CCDC88C: variants seen among roughly 807,000 people sequenced by gnomAD.
CCDC88C encodes coiled-coil and HOOK domain protein 88C.
Under a neutral mutation model 198.8 loss-of-function variants are expected in CCDC88C, and 131 were observed. The ratio of observed to expected loss-of-function variants is 0.66; its 90% CI spans 0.57 to 0.76. CCDC88C has a LOEUF of 0.76. Ranked by LOEUF, CCDC88C falls within the 30% of genes least tolerant of loss-of-function variation. The probability of loss-of-function intolerance (pLI) is 0.00; values close to 1 mark genes in which losing one functional copy is unlikely to be tolerated. For synonymous variants in CCDC88C, 1,166 were observed against 1,114.7 expected, an observed-to-expected ratio of 1.05 and a Z score of -0.92; for missense variants, 2,553 against 2,631.6, an observed-to-expected ratio of 0.97 and a Z score of 0.65.
Position 91,313,325 on chromosome 14 carries a change from C to G in CCDC88C, c.2491G>C (p.Glu831Gln). 6.2e-7 allele frequency: 1 copy of G among 1,613,480 alleles called. No homozygotes were observed. Among genetic ancestry groups the G allele is most frequent in the Non-Finnish European group, 8.5e-7 (1 of 1,179,898 alleles). The stretch of plus-strand genomic sequence containing the variant: ...TTCTCCAGCAGCTTCTTATCCTTCT[C>G]GAGCTGGGCCACCTCCTGCTCCAGG... ...KALEQEVAQL[E>Q]KDKKLLEKEA... is the part of the protein sequence containing the mutation. The change falls in exon 15 of 30, where the codon GAG becomes CAG. Residue 831 changes from glutamate to glutamine, a missense_variant. Around this residue, in one of 2 missense-constraint regions of CCDC88C, gnomAD observed 1,260 missense variants for 1,412.0 expected, o/e 0.89. Coordinates refer to ENST00000389857, the MANE Select transcript of CCDC88C (RefSeq NM_001080414.4). This position sits in a 1 kb window ranked among gnomAD's most constrained non-coding sequence, Gnocchi z 5.2.
chr14:91,364,050 T>G (rs1353496496), intron 3 of CCDC88C, among the ~76,000 whole-genome samples: 1 of 152,252 alleles, frequency 6.6e-6, no homozygotes, highest in Non-Finnish European at 1.5e-5. Context: ...GGCCCCCACA[T>G]TTGCCAGTGA....
At chr14:91,384,273 CTTT>C (rs3029466) in intron 3 of CCDC88C, 28,755 of 293,820 alleles carry the variant, frequency 0.098, 398 homozygotes, top group Middle Eastern at 0.14. Context: ...CCCCATCTCT[CTTT>C]TTTTTTTTTT....
chr14:91,345,170 A>T (rs1893482642), intron 4 of CCDC88C, among the ~76,000 whole-genome samples: 1 of 85,034 alleles, frequency 1.2e-5, no homozygotes, highest in African/African-American at 4.8e-5. Flanking sequence ...TTCAATTTAT[A>T]TATATATATA....
chr14:91,308,204 G>A, intron 17 of CCDC88C, 147 bp downstream of exon 17: 2 of 891,700 alleles, frequency 2.2e-6, no homozygotes, highest in Non-Finnish European at 3.4e-6. Flanking sequence ...GATTCTGAGG[G>A]TGGCTCCCTC....
At chr14:91,289,038 C>T (rs1350500396) in intron 25 of CCDC88C, 67 bp downstream of exon 25, 19 of 1,333,072 alleles carry the variant, frequency 1.4e-5, no homozygotes, top group Non-Finnish European at 1.9e-5. Flanking sequence ...TGTGCACAGC[C>T]ACCGGTGCGG....
chr14:91,279,603 C>A (rs1890115467), intron 27 of CCDC88C: 1 of 267,790 alleles, frequency 3.7e-6, no homozygotes. Flanking sequence ...ACACAGAACG[C>A]CAGTATAGAG....
rs546540696 is a variant in CCDC88C, at chr14:91,350,459, G to C, written c.341-6802C>G. Reference sequence around the variant, plus strand: ...TTACAGGTGTGAGCCACCATGCCCAGACAGAAGACACTTTCTGATTTCTGG... The same window carrying C: ...TTACAGGTGTGAGCCACCATGCCCACACAGAAGACACTTTCTGATTTCTGG... On this transcript the variant is annotated intron_variant, in intron 4 of 29. Transcript: ENST00000389857. Among the ~76,000 whole-genome samples the C allele has an allele frequency of 3.9e-5, 6 of 152,292 alleles. No homozygotes were observed. In the South Asian group the frequency reaches 1.2e-3, roughly 32 times the overall value.
intron 10 of CCDC88C, 127 bp downstream of exon 10, chr14:91,337,878 C>T (rs942634267): frequency 2.0e-5 from 23 of 1,176,410 alleles, no homozygotes; most frequent in Admixed American, 4.1e-5. Flanking sequence ...GCTGAGGTGC[C>T]GGGGAAGCAT....
chr14:91,287,373 T>C (rs1267154770), intron 25 of CCDC88C, among the ~76,000 whole-genome samples: 28 of 152,314 alleles, frequency 1.8e-4, no homozygotes, highest in Non-Finnish European at 1.5e-5. Context: ...TTGTTAGAGA[T>C]GGGGTGTCAC....
chr14:91,320,460 G>T (rs1892309634), intron 13 of CCDC88C, among the ~76,000 whole-genome samples: 1 of 152,228 alleles, frequency 6.6e-6, no homozygotes, highest in African/African-American at 2.4e-5. Flanking sequence ...CTGTGCATCT[G>T]TTCTGCCTGT....
At position 91,299,979 on chromosome 14, in the gene CCDC88C, T is replaced by C; in HGVS notation, c.3727A>G (p.Thr1243Ala). 1 of 1,596,336 alleles carries C rather than the reference T, an allele frequency of 6.3e-7. No individual in the cohort carries two copies. Among genetic ancestry groups the C allele is most frequent in the Non-Finnish European group, 8.5e-7 (1 of 1,172,314 alleles). ...EREALQQEQR[T>A]NALAMGENQR... ...TTCTCGCCCATGGCGAGGGCGTTTG[T>C]CCTCTGCTCCTGCTGCAGCGCCTCT... Residue 1243 changes from threonine (T) to alanine (A), a missense_variant, in exon 21 of 30, where the codon ACA (threonine) becomes GCA (alanine). By Grantham distance (58) the Thr-to-Ala change is moderately conservative (BLOSUM62 0). Around this residue, in one of 2 missense-constraint regions of CCDC88C, gnomAD observed 1,293 missense variants for 1,219.6 expected, o/e 1.06. Transcript: ENST00000389857.
intron 12 of CCDC88C, among the ~76,000 whole-genome samples, chr14:91,323,475 A>C (rs1459278946): frequency 6.6e-6 from 1 of 152,238 alleles, no homozygotes; most frequent in Non-Finnish European, 1.5e-5. Context: ...CAGAGAAGCC[A>C]AGGCTTTATG....
Position 91,272,830 on chromosome 14 carries a change from C to A in CCDC88C, c.5882G>T (p.Ser1961Ile). Reference protein sequence around the residue: ...ATITPVRAGLSLSEGDGVPGQ... With the variant: ...ATITPVRAGLILSEGDGVPGQ... The stretch of plus-strand genomic sequence containing the variant: ...CGGGACCCCGTCTCCCTCTGAGAGG[C>A]TGAGCCCTGCCCGGACAGGGGTGAT... Residue 1961 changes from serine to isoleucine, a missense_variant, in exon 30 of 30, where the codon AGC becomes ATC. Transcript: ENST00000389857. 1.3e-6 allele frequency: 2 copies of A among 1,594,578 alleles called. No individual in the cohort carries two copies. The highest frequency in any genetic ancestry group is 1.7e-6 in the Non-Finnish European group (2 of 1,171,114).
intron 29 of CCDC88C, among the ~76,000 whole-genome samples, chr14:91,276,143 G>T (rs1343916165): frequency 6.6e-6 from 1 of 152,140 alleles, no homozygotes; most frequent in Non-Finnish European, 1.5e-5. Flanking sequence ...TTAAACCATG[G>T]TGCCTACCCA....
At chr14:91,277,855 T>C (rs2139718422) in intron 29 of CCDC88C, 67 bp downstream of exon 29, 1 of 1,435,188 alleles carries the variant, frequency 7.0e-7, no homozygotes, top group Non-Finnish European at 9.2e-7. Context: ...TCTGCAGCTA[T>C]GATCTTGAGC....
chr14:91,373,545 T>TGCAAAC (rs1894928782), intron 3 of CCDC88C, among the ~76,000 whole-genome samples: 2 of 152,168 alleles, frequency 1.3e-5, no homozygotes, highest in Non-Finnish European at 2.9e-5. Context: ...AGAGCAGACA[T>TGCAAAC]TTCATGCAAA....
rs143299262 is a variant in CCDC88C, at chr14:91,352,274, C to G, written c.340+7368G>C. Among the ~76,000 whole-genome samples, 3 of 152,212 alleles carry G rather than the reference C, an allele frequency of 2.0e-5. No individual in the cohort carries two copies. Among genetic ancestry groups the G allele is most frequent in the Non-Finnish European group, 4.4e-5 (3 of 68,032 alleles). On this transcript the variant is annotated intron_variant, in intron 4 of 29. Transcript: ENST00000389857. This position sits in a 1 kb window ranked among gnomAD's most constrained non-coding sequence, Gnocchi z 4.2. Reference sequence around the variant, plus strand: ...GAAGTTTACTAACAAAGTCTGGTCTCCAGGCAGATCCGCGGGTGCTTGGAG... The same window carrying G: ...GAAGTTTACTAACAAAGTCTGGTCTGCAGGCAGATCCGCGGGTGCTTGGAG...
intron 22 of CCDC88C, among the ~76,000 whole-genome samples, chr14:91,296,005 C>T (rs10143269): frequency 0.56 from 84,774 of 152,054 alleles, 24,296 homozygotes; most frequent in African/African-American, 0.67. Context: ...TTGGGAGAAA[C>T]CAGCTCAGCC....
intron 27 of CCDC88C, chr14:91,279,778 G>A (rs1199803716): frequency 2.0e-5 from 3 of 152,602 alleles, no homozygotes; most frequent in African/African-American, 7.2e-5. Context: ...CACATGTAAG[G>A]GCACGCACCT....
Sources: allele counts gnomAD v4.1 joint callset (sites outside exome capture counted in the v4.1 genomes callset), GRCh38; gene constraint gnomAD v4.1.1; regional missense constraint gnomAD v4.1.1; non-coding constraint Gnocchi (gnomAD v3.1); transcripts MANE v1.5; gene names NCBI Gene and HGNC (gene_info 2026-07-23, HGNC 2026-07-21).